The following TRIOBP variants were observed in gnomAD, a reference collection of about 807,000 sequenced individuals.
TRIOBP encodes TRIO and F-actin-binding protein.
In TRIOBP, 169 loss-of-function variants were observed where a neutral mutation model predicts 238.8. The ratio of observed to expected loss-of-function variants is 0.71; its 90% CI spans 0.62 to 0.80. TRIOBP has a LOEUF of 0.80. Among genes scored for constraint, TRIOBP ranks in the 30% least tolerant of loss-of-function variants. The pLI, the probability that TRIOBP is intolerant of heterozygous loss-of-function variation, is 0.00. For missense variants in TRIOBP, 2,838 were observed against 3,122.6 expected, an observed-to-expected ratio of 0.91 and a Z score of 2.17; for synonymous variants, 1,150 against 1,274.4, an observed-to-expected ratio of 0.90 and a Z score of 2.08.
intron 12 of TRIOBP, among the ~76,000 whole-genome samples, chr22:37,753,536 C>A (rs570470890): frequency 1.3e-3 from 205 of 152,340 alleles, no homozygotes; most frequent in African/African-American, 4.5e-3. Flanking sequence ...TTCTCAGCCT[C>A]CCAAAGTGCT....
chr22:37,714,051 G>A (rs1165504679), intron 5 of TRIOBP, among the ~76,000 whole-genome samples: 2 of 152,206 alleles, frequency 1.3e-5, no homozygotes, highest in African/African-American at 2.4e-5. Context: ...GGCTTGGTGG[G>A]TGTGGGCTCA....
In TRIOBP at chr22:37,772,662, C is replaced by A; in HGVS notation, c.6998C>A (p.Thr2333Lys). ...TATGTGGAGCTGAGCCACATCAAGA[C>A]ACGGTCTGAGCGGGAGATCGAGCAG... ...DVYVELSHIK[T>K]RSEREIEQLK... is the part of the protein sequence containing the mutation. The change falls in exon 23 of 24, where the codon ACA (threonine) becomes AAA (lysine). Residue 2333 changes from threonine to lysine, a missense_variant. Around this residue, in one of 5 missense-constraint regions of TRIOBP, gnomAD observed 2,096 missense variants for 2,137.4 expected, o/e 0.98. Transcript: ENST00000644935. The A allele has an allele frequency of 6.2e-7, 1 of 1,614,170 alleles. No homozygotes were observed. The highest frequency in any genetic ancestry group is 8.5e-7 in the Non-Finnish European group (1 of 1,180,038).
At chr22:37,710,086 A>G (rs4820298) in intron 3 of TRIOBP, among the ~76,000 whole-genome samples, 122,338 of 152,228 alleles carry the variant, frequency 0.8, 51,470 homozygotes, top group East Asian at 1. Flanking sequence ...GCAAACGTAC[A>G]GATCGGTGTA....
At chr22:37,748,275 G>A (rs2145858092) in intron 11 of TRIOBP, among the ~76,000 whole-genome samples, 1 of 152,250 alleles carries the variant, frequency 6.6e-6, no homozygotes, top group East Asian at 1.9e-4. Context: ...TGCTCCTCCT[G>A]TACCCACCTC....
intron 9 of TRIOBP, among the ~76,000 whole-genome samples, chr22:37,737,530 G>A (rs1376689821): frequency 2.6e-5 from 4 of 152,020 alleles, no homozygotes; most frequent in East Asian, 1.9e-4. Context: ...GCGTGGTGGC[G>A]GGTGCCTGTA....
intron 10 of TRIOBP, among the ~76,000 whole-genome samples, chr22:37,740,045 CAA>C (rs144454257): frequency 0.012 from 1,824 of 152,018 alleles, 41 homozygotes; most frequent in African/African-American, 0.042. Context: ...GGAGCGCCAT[CAA>C]AGAGTTCAGT....
In TRIOBP at chr22:37,735,154, C is replaced by T. The variant is rs1181864322; in HGVS notation, c.4818C>T (p.Ala1606=). Residue 1606 remains alanine (A), a synonymous_variant, in exon 9 of 24, where the codon GCC becomes GCT. Transcript: ENST00000644935. ...KDPAGHRDDL[A]RALGPELGPP... ...CAGCTGGACACAGGGATGACCTGGC[C>T]AGGGCTTTAGGGCCAGAGCTGGGTC... 15 of 1,610,246 alleles carry T rather than the reference C, an allele frequency of 9.3e-6. No individual in the cohort carries two copies. The highest frequency in any genetic ancestry group is 1.3e-5 in the Non-Finnish European group (15 of 1,177,760).
chr22:37,713,527 G>A (rs1923365283), intron 5 of TRIOBP, 116 bp downstream of exon 5: 1 of 1,335,056 alleles, frequency 7.5e-7, no homozygotes, highest in Non-Finnish European at 1.1e-6. Flanking sequence ...AATCCGACGA[G>A]GTCCTCTGGA....
At chr22:37,752,283 CATGGGCATA>C (rs1405821002) in intron 12 of TRIOBP, among the ~76,000 whole-genome samples, 15 of 152,320 alleles carry the variant, frequency 9.8e-5, no homozygotes, top group African/African-American at 3.6e-4. Context: ...ACGTCTGTGA[CATGGGCATA>C]ATGGATAATG....
chr22:37,700,501 G>A (rs868004750), intron 2 of TRIOBP, among the ~76,000 whole-genome samples: 1 of 147,614 alleles, frequency 6.8e-6, no homozygotes, highest in Admixed American at 6.8e-5. Flanking sequence ...CTGCAGCCTC[G>A]ACCTCCCAGA....
chr22:37,738,130 G>A (rs1052114887), intron 9 of TRIOBP, among the ~76,000 whole-genome samples: 4 of 152,200 alleles, frequency 2.6e-5, no homozygotes, highest in South Asian at 2.1e-4. Context: ...ATGTGTGAAT[G>A]GATGATGGAT....
At chr22:37,701,506 G>A in intron 3 of TRIOBP, 27 bp downstream of exon 3, 1 of 1,566,022 alleles carries the variant, frequency 6.4e-7, no homozygotes, top group African/African-American at 1.3e-5. Context: ...CGTGGTTGGG[G>A]TGGTTTGTGA....
At chr22:37,719,877 G>A (rs1007225119) in intron 6 of TRIOBP, among the ~76,000 whole-genome samples, 2 of 144,578 alleles carry the variant, frequency 1.4e-5, no homozygotes, top group Non-Finnish European at 3.0e-5. Flanking sequence ...TGACTCCGGA[G>A]TCCACATCTC....
At chr22:37,761,377 C>G (rs896360108) in intron 17 of TRIOBP, among the ~76,000 whole-genome samples, 1 of 152,102 alleles carries the variant, frequency 6.6e-6, no homozygotes, top group East Asian at 1.9e-4. Flanking sequence ...TCGCTTGAAC[C>G]CGGGAGGCAG....
chr22:37,711,121 G>C (rs1273540147), intron 4 of TRIOBP, among the ~76,000 whole-genome samples: 2 of 152,174 alleles, frequency 1.3e-5, no homozygotes, highest in Admixed American at 1.3e-4. Context: ...TAGAAACCTG[G>C]GTTCCAGCTT....
At chr22:37,750,232 C>T (rs1233634293) in intron 11 of TRIOBP, among the ~76,000 whole-genome samples, 1 of 152,254 alleles carries the variant, frequency 6.6e-6, no homozygotes, top group Admixed American at 6.5e-5. Flanking sequence ...GACAGCTTGT[C>T]ATTCCTGCCC....
chr22:37,747,444 G>C (rs1925343361), intron 11 of TRIOBP, among the ~76,000 whole-genome samples: 1 of 152,148 alleles, frequency 6.6e-6, no homozygotes, highest in South Asian at 2.1e-4. Flanking sequence ...GAGACCCTGC[G>C]GAGGAGTGGG....
chr22:37,762,517 G>A (rs1327871912), intron 17 of TRIOBP, among the ~76,000 whole-genome samples: 1 of 152,258 alleles, frequency 6.6e-6, no homozygotes, highest in Non-Finnish European at 1.5e-5. Flanking sequence ...TTGAGCTATA[G>A]GCAGACCTGT....
chr22:37,716,419 TTATTATTATTATTAC>T (rs1923522871), intron 6 of TRIOBP, among the ~76,000 whole-genome samples: 1 of 144,884 alleles, frequency 6.9e-6, no homozygotes, highest in Non-Finnish European at 1.6e-5. Flanking sequence ...TAGCCTGTTA[TTATTATTATTATTAC>T]TATTATTATT....
Sources: gnomAD v4.1 joint callset for allele counts (sites outside exome capture counted in the v4.1 genomes callset) on GRCh38, gnomAD v4.1.1 for gene constraint, gnomAD v4.1.1 regional missense constraint, MANE v1.5 for transcripts, NCBI Gene and HGNC (gene_info 2026-07-23, HGNC 2026-07-21) for gene names.